Variants in EVI5 observed in about 807,000 individuals in gnomAD.
EVI5 encodes the protein ecotropic viral integration site 5 protein homolog.
A neutral mutation model predicts 112.0 loss-of-function variants in EVI5; 73 were observed. The ratio of observed to expected loss-of-function variants is 0.65; its 90% CI spans 0.54 to 0.79. The LOEUF is 0.79. EVI5 is among the 30% of genes least tolerant of loss of function. The pLI is 0.00. For synonymous variants in EVI5, 305 were observed against 319.9 expected (o/e 0.95, Z 0.50); for missense variants, 900 against 968.8 (o/e 0.93, Z 0.94).
chr1:92,524,145 TAA>T (rs113683851), intron 19 of EVI5, among the ~76,000 whole-genome samples: 69 of 133,796 alleles, frequency 5.2e-4, no homozygotes, highest in African/African-American at 1.2e-3. Flanking sequence ...GTTTATTATT[TAA>T]AAAAAAAAAA....
At chr1:92,628,388 T>C (rs1656160859) in intron 14 of EVI5, among the ~76,000 whole-genome samples, 1 of 152,242 alleles carries the variant, frequency 6.6e-6, no homozygotes, top group Non-Finnish European at 1.5e-5. Context: ...TTCTTGGTCA[T>C]GAAATCCTTG....
chr1:92,679,643 T>C (rs977029311), intron 9 of EVI5, among the ~76,000 whole-genome samples: 5 of 152,206 alleles, frequency 3.3e-5, no homozygotes, highest in African/African-American at 9.6e-5. Flanking sequence ...GTATGGTACA[T>C]TGTTATAATT....
At chr1:92,564,195 G>A (rs370998155) in intron 18 of EVI5, among the ~76,000 whole-genome samples, 1 of 152,028 alleles carries the variant, frequency 6.6e-6, no homozygotes. Flanking sequence ...AATAAAGGTT[G>A]TTTATAATAA....
chr1:92,749,144 A>C (rs924616822), intron 1 of EVI5: 1 of 194,802 alleles, frequency 5.1e-6, no homozygotes, highest in South Asian at 9.8e-5. Context: ...AGGAGATAGG[A>C]CAAATAAATT....
intron 18 of EVI5, among the ~76,000 whole-genome samples, chr1:92,589,194 C>T (rs1673298022): frequency 6.6e-6 from 1 of 152,138 alleles, no homozygotes; most frequent in African/African-American, 2.4e-5. Flanking sequence ...GTGAGTGATG[C>T]AGAAGATGAA....
At chr1:92,687,058 C>G (rs1668663926) in intron 9 of EVI5, among the ~76,000 whole-genome samples, 1 of 152,080 alleles carries the variant, frequency 6.6e-6, no homozygotes, top group African/African-American at 2.4e-5. Flanking sequence ...TCATATGGAA[C>G]CAAAAAAGAG....
At chr1:92,577,266 C>A (rs184487745) in intron 18 of EVI5, among the ~76,000 whole-genome samples, 51 of 152,340 alleles carry the variant, frequency 3.3e-4, no homozygotes, top group African/African-American at 1.2e-3. Context: ...TGCTCATCTT[C>A]CCCAGGATCC....
chr1:92,584,726 G>A (rs1557839670), intron 18 of EVI5, among the ~76,000 whole-genome samples: 1 of 152,056 alleles, frequency 6.6e-6, no homozygotes, highest in Non-Finnish European at 1.5e-5. Context: ...ATGGACAAAG[G>A]TTTGAATATT....
chr1:92,733,878 T>C (rs1570656356), intron 2 of EVI5, among the ~76,000 whole-genome samples: 1 of 152,194 alleles, frequency 6.6e-6, no homozygotes, highest in African/African-American at 2.4e-5. Context: ...TGACTGGCTG[T>C]AGCACTGCTC....
chr1:92,704,611 C>A lies in EVI5; in HGVS notation c.283G>T (p.Gly95Ter). ...TCTTCCCATTCATTAACAATTCTTC[C>A]CCAAAGAATCCAAGAATCTTCTTCA... ...HLEEDSWILW[G>*]RIVNEWEDVR... Residue 95 changes from glycine (G) to a stop codon, truncating the protein, a stop_gained, in exon 3 of 20, where the codon GGA (glycine) becomes TGA (stop). Transcript: ENST00000684568. LOFTEE classifies it high-confidence loss of function. The A allele has an allele frequency of 6.3e-7, 1 of 1,595,260 alleles. No individual in the cohort carries two copies. The highest frequency in any genetic ancestry group is 1.7e-5 in the Admixed American group (1 of 57,414).
At position 92,583,766 on chromosome 1, in the gene EVI5, CTAATA is replaced by C. The variant is rs939596987; in HGVS notation, c.2071-20034_2071-20030del. 1.1e-3 allele frequency among the ~76,000 whole-genome samples: 158 copies of C among 145,526 alleles called. 1 individual carries two copies. The highest frequency in any genetic ancestry group is 1.0e-3 in the Non-Finnish European group (69 of 66,828). ...TTTTTTTTACATTCTTTCCAGATAT[CTAATA>C]TAACAAACTGAAACTTATAATTAGT... On this transcript the variant is annotated intron_variant, in intron 18 of 19. Coordinates refer to ENST00000684568, the MANE Select transcript of EVI5 (RefSeq NM_001350197.2).
intron 16 of EVI5, among the ~76,000 whole-genome samples, chr1:92,609,881 T>G (rs1042706709): frequency 7.2e-6 from 1 of 139,804 alleles, no homozygotes; most frequent in South Asian, 2.2e-4. Flanking sequence ...CTCTTTTTTG[T>G]TTTTTTTTTT....
At chr1:92,532,995 G>C (rs1015988361) in intron 19 of EVI5, among the ~76,000 whole-genome samples, 1 of 99,416 alleles carries the variant, frequency 1.0e-5, no homozygotes, top group Non-Finnish European at 1.9e-5. Flanking sequence ...AATGAATCTA[G>C]GAACTTTTTT....
At chr1:92,515,049 G>A (rs928298308) in intron 19 of EVI5, among the ~76,000 whole-genome samples, 1 of 152,110 alleles carries the variant, frequency 6.6e-6, no homozygotes, top group African/African-American at 2.4e-5. Flanking sequence ...CTCCCCCTGG[G>A]GAGAAGGTGA....
At chr1:92,681,245 T>C (rs1246091952) in intron 9 of EVI5, among the ~76,000 whole-genome samples, 1 of 152,182 alleles carries the variant, frequency 6.6e-6, no homozygotes, top group African/African-American at 2.4e-5. Context: ...TCATAGGAAG[T>C]ACACATTCAA....
rs536878705 is a variant in EVI5 at position 92,612,766 on chromosome 1, G to A, written c.1828-5039C>T. Reference sequence around the variant, plus strand: ...AGCCAGCCAAACTAAGTTCAAACCCGGAGCCTTCCAGGAGAGATGCAATGG... The same window carrying A: ...AGCCAGCCAAACTAAGTTCAAACCCAGAGCCTTCCAGGAGAGATGCAATGG... On this transcript the variant is annotated intron_variant, in intron 16 of 19. Coordinates refer to ENST00000684568, the MANE Select transcript of EVI5 (RefSeq NM_001350197.2). 8.7e-5 allele frequency among the ~76,000 whole-genome samples: 13 copies of A among 148,938 alleles called. No homozygotes were observed. The South Asian group carries it at 1.3e-3, about 15-fold the overall frequency.
intron 18 of EVI5, among the ~76,000 whole-genome samples, chr1:92,587,815 T>C (rs1340353566): frequency 6.6e-6 from 1 of 152,204 alleles, no homozygotes; most frequent in Admixed American, 6.5e-5. Flanking sequence ...TTCCATTACT[T>C]GTAACAAAGT....
At chr1:92,567,769 A>T (rs147357413) in intron 18 of EVI5, among the ~76,000 whole-genome samples, 1,578 of 152,370 alleles carry the variant, frequency 0.01, 36 homozygotes, top group African/African-American at 0.035. Context: ...AATATCAGAT[A>T]CAGTTATCTA....
intron 18 of EVI5, among the ~76,000 whole-genome samples, chr1:92,598,736 C>T (rs1648494027): frequency 6.6e-6 from 1 of 152,008 alleles, no homozygotes; most frequent in African/African-American, 2.4e-5. Context: ...AAAAAACCCA[C>T]CAATAAATAA....
Sources: allele counts gnomAD v4.1 joint callset (sites outside exome capture counted in the v4.1 genomes callset), GRCh38; gene constraint gnomAD v4.1.1; transcripts MANE v1.5; gene names NCBI Gene and HGNC (gene_info 2026-07-23, HGNC 2026-07-21).